The following MCCC2 variants were observed in gnomAD, a reference collection of about 807,000 sequenced individuals.
MCCC2 encodes methylcrotonyl-CoA carboxylase subunit 2.
MCCC2 carries 52 observed loss-of-function variants against 77.2 expected under a neutral mutation model. The observed-to-expected ratio is 0.67, with a 90% CI of 0.54 to 0.85. The LOEUF is 0.85. Ranked by LOEUF, MCCC2 falls within the 40% of genes least tolerant of loss-of-function variation. The pLI is 0.00. For synonymous variants in MCCC2, 253 were observed against 248.4 expected (o/e 1.02, Z -0.18); for missense variants, 682 against 703.2 (o/e 0.97, Z 0.34).
chr5:71,641,361 A>G (rs1747117752), intron 11 of MCCC2: 2 of 384,156 alleles, frequency 5.2e-6, no homozygotes, highest in Non-Finnish European at 9.5e-6. Context: ...TAAAATTAGT[A>G]GAAAATACTT....
intron 7 of MCCC2, among the ~76,000 whole-genome samples, chr5:71,631,731 G>T (rs1305279243): frequency 3.5e-4 from 51 of 145,520 alleles, no homozygotes; most frequent in Non-Finnish European, 3.5e-4. Context: ...TAGTAGAGAC[G>T]GGGTTTCACC....
intron 3 of MCCC2, among the ~76,000 whole-genome samples, chr5:71,599,373 AAAC>A (rs916002833): frequency 2.0e-5 from 3 of 151,942 alleles, no homozygotes; most frequent in Non-Finnish European, 4.4e-5. Context: ...CCATCTCAAA[AAAC>A]AACAACAACA....
intron 12 of MCCC2, among the ~76,000 whole-genome samples, chr5:71,644,684 T>C (rs1328895149): frequency 6.6e-6 from 1 of 152,094 alleles, no homozygotes; most frequent in Non-Finnish European, 1.5e-5. Flanking sequence ...AGAAAAAATA[T>C]GTTTAGTATT....
At chr5:71,602,375 T>C (rs1745471383) in intron 4 of MCCC2, 131 bp from the exon 5 acceptor site, 6 of 1,084,448 alleles carry the variant, frequency 5.5e-6, no homozygotes, top group Admixed American at 5.4e-5. Flanking sequence ...CTAAGACTGC[T>C]GTCTGCTAAT....
intron 8 of MCCC2, among the ~76,000 whole-genome samples, chr5:71,634,308 TC>T (rs1356330681): frequency 6.6e-6 from 1 of 152,176 alleles, no homozygotes; most frequent in African/African-American, 2.4e-5. Flanking sequence ...AACAGGAACT[TC>T]CATGGCCCCT....
intron 10 of MCCC2, 189 bp downstream of exon 10, chr5:71,635,435 T>C (rs1746882987): frequency 1.5e-6 from 1 of 689,096 alleles, no homozygotes; most frequent in Non-Finnish European, 2.6e-6. Context: ...GAGTAAATAC[T>C]GAAAGAGGGG....
chr5:71,623,479 A>T (rs1459523227), intron 6 of MCCC2, among the ~76,000 whole-genome samples: 2 of 152,190 alleles, frequency 1.3e-5, no homozygotes, highest in African/African-American at 2.4e-5. Context: ...AGAGCAGCTC[A>T]CACCATGTCA....
At chr5:71,637,768 G>T (rs748567188) in intron 10 of MCCC2, among the ~76,000 whole-genome samples, 3 of 152,048 alleles carry the variant, frequency 2.0e-5, no homozygotes, top group Non-Finnish European at 4.4e-5. Flanking sequence ...ACCCAGGCTG[G>T]AGTGCAGTGG....
chr5:71,652,701 G>A lies in MCCC2; in HGVS notation c.1521G>A (p.Glu507=), dbSNP rs1266022580. ...FSSADEAALK[E]PIIKKFEEEG... ...GTGCTGATGAAGCGGCTTTAAAAGA[G>A]CCCATCATTAAGAAGTTTGAAGAGG... Residue 507 remains glutamate (E), a synonymous_variant, in exon 16 of 17, where the codon GAG becomes GAA. Coordinates refer to ENST00000340941, the MANE Select transcript of MCCC2 (RefSeq NM_022132.5). 6.2e-7 allele frequency: 1 copy of A among 1,614,120 alleles called. No individual in the cohort carries two copies. Among genetic ancestry groups the A allele is most frequent in the Admixed American group, 1.7e-5 (1 of 60,010 alleles).
At chr5:71,591,964 C>G (rs952727803) in intron 1 of MCCC2, among the ~76,000 whole-genome samples, 1 of 152,016 alleles carries the variant, frequency 6.6e-6, no homozygotes, top group African/African-American at 2.4e-5. Flanking sequence ...ATGGAAGTCT[C>G]CCTATGTTAC....
chr5:71,594,989 C>CG (rs992279713), intron 2 of MCCC2, among the ~76,000 whole-genome samples: 3 of 151,672 alleles, frequency 2.0e-5, no homozygotes, highest in African/African-American at 4.8e-5. Context: ...ACCTTGGCCC[C>CG]CCGGGTTCAA....
rs1485698103 is a variant in MCCC2, at chr5:71,643,820, A to G, written c.1074A>G (p.Gly358=). The part of the protein sequence containing the change: ...KAFYGDTLVT[G]FARIFGYPVG... ...ATCTTCTTTGAACTTTCTTTTGAGG[A>G]TTTGCTCGAATATTTGGGTACCCAG... The change falls in exon 12 of 17, where the codon GGA becomes GGG. Residue 358 remains glycine (G), a splice_region_variant and synonymous_variant. Coordinates refer to ENST00000340941, the MANE Select transcript of MCCC2 (RefSeq NM_022132.5). 1 of 1,614,074 alleles carries G rather than the reference A, an allele frequency of 6.2e-7. No individual in the cohort carries two copies. Among genetic ancestry groups the G allele is most frequent in the Non-Finnish European group, 8.5e-7 (1 of 1,180,006 alleles).
At chr5:71,592,842 T>G (rs557298446) in intron 1 of MCCC2, 84 bp from the exon 2 acceptor site, 56 of 1,104,020 alleles carry the variant, frequency 5.1e-5, no homozygotes, top group African/African-American at 4.2e-4. Context: ...ACCACTGTTT[T>G]TTTTTTTTTT....
In MCCC2 at chr5:71,652,651, T is replaced by C. The variant is rs1747467101; in HGVS notation, c.1489-18T>C. ...TTGTTCACTGAAGCTGACTTACTCA[T>C]GGCCTCTTTTCCTTTAGTTCTCCAG... On this transcript the variant is annotated intron_variant, in intron 15 of 16. Transcript: ENST00000340941. 1.2e-6 allele frequency: 2 copies of C among 1,610,626 alleles called. No homozygotes were observed. Among genetic ancestry groups the C allele is most frequent in the African/African-American group, 2.7e-5 (2 of 74,994 alleles).
chr5:71,640,618 C>G (rs139744061), intron 10 of MCCC2, among the ~76,000 whole-genome samples: 1 of 152,112 alleles, frequency 6.6e-6, no homozygotes, highest in Non-Finnish European at 1.5e-5. Flanking sequence ...ACCAGTCATA[C>G]TTGATACCTT....
At chr5:71,621,334 TAAAAAA>T (rs1186271267) in intron 6 of MCCC2, among the ~76,000 whole-genome samples, 1 of 151,684 alleles carries the variant, frequency 6.6e-6, no homozygotes, top group Non-Finnish European at 1.5e-5. Context: ...AGGCCTCATC[TAAAAAA>T]AATAAAAATA....
intron 6 of MCCC2, among the ~76,000 whole-genome samples, chr5:71,614,360 G>A (rs1483119136): frequency 6.6e-6 from 1 of 152,062 alleles, no homozygotes; most frequent in East Asian, 1.9e-4. Context: ...ATTTTCTTGG[G>A]CAAGGCACGG....
At chr5:71,641,121 G>T (rs1463232017) in intron 11 of MCCC2, 46 bp downstream of exon 11, 1 of 1,527,592 alleles carries the variant, frequency 6.5e-7, no homozygotes, top group East Asian at 2.3e-5. Context: ...CTGCTGCTTT[G>T]AAAATCAGGA....
At chr5:71,620,821 G>C (rs1018608705) in intron 6 of MCCC2, among the ~76,000 whole-genome samples, 1 of 152,118 alleles carries the variant, frequency 6.6e-6, no homozygotes, top group African/African-American at 2.4e-5. Context: ...CTTCTTGCAC[G>C]TTCTTACTCT....
Sources: gnomAD v4.1 joint callset for allele counts (sites outside exome capture counted in the v4.1 genomes callset) on GRCh38, gnomAD v4.1.1 for gene constraint, MANE v1.5 for transcripts, NCBI Gene and HGNC (gene_info 2026-07-23, HGNC 2026-07-21) for gene names.